CR1: variants seen among roughly 807,000 people sequenced by gnomAD.
The protein encoded by CR1 is complement receptor type 1.
Under a neutral mutation model 187.3 loss-of-function variants are expected in CR1, and 116 were observed. The observed-to-expected ratio is 0.62, with a 90% CI of 0.53 to 0.72. The LOEUF is 0.72. CR1 is among the 30% of genes least tolerant of loss of function. The pLI is 0.00. For synonymous variants in CR1, 576 were observed against 747.1 expected, an observed-to-expected ratio of 0.77 and a Z score of 3.73; for missense variants, 1,731 against 2,110.7, an observed-to-expected ratio of 0.82 and a Z score of 3.52.
At chr1:207,621,042 G>A (rs1003886587) in intron 43 of CR1, among the ~76,000 whole-genome samples, 3 of 152,176 alleles carry the variant, frequency 2.0e-5, no homozygotes, top group Non-Finnish European at 4.4e-5. Flanking sequence ...GGGAGGCCGA[G>A]GCGGATGGAT....
intron 5 of CR1, among the ~76,000 whole-genome samples, chr1:207,524,408 C>G (rs927217390): frequency 6.6e-6 from 1 of 152,022 alleles, no homozygotes; most frequent in African/African-American, 2.4e-5. Context: ...GCTTGAGATA[C>G]TGTCTTGATC....
intron 4 of CR1, among the ~76,000 whole-genome samples, chr1:207,520,419 A>G (rs1337532885): frequency 6.6e-6 from 1 of 152,192 alleles, no homozygotes; most frequent in African/African-American, 2.4e-5. Context: ...AAACTCACCA[A>G]TTAGAACTCC....
At chr1:207,575,202 T>TACACACACACACAC (rs56173301) in intron 27 of CR1, among the ~76,000 whole-genome samples, 5 of 149,446 alleles carry the variant, frequency 3.3e-5, no homozygotes, top group South Asian at 4.3e-4. Flanking sequence ...CATAGTATTA[T>TACACACACACACAC]ACACACACAC....
intron 35 of CR1, among the ~76,000 whole-genome samples, chr1:207,589,700 A>C (rs1445280067): frequency 6.6e-6 from 1 of 152,230 alleles, no homozygotes; most frequent in East Asian, 1.9e-4. Flanking sequence ...ACCCAATGCA[A>C]GGAAGCGAAG....
rs185517934 is a variant in CR1 at position 207,578,185 on chromosome 1, T to C, written c.4918T>C (p.Leu1640=). The C allele has an allele frequency of 1.9e-4, 309 of 1,611,184 alleles. 5 individuals carry two copies. The South Asian group carries it at 2.5e-3, about 13-fold the overall frequency. ...GGCCCTGAACAAATGGGAGCCAGAG[T>C]TACCAAGCTGCTCCAGGGGTGAGTC... ...CQALNKWEPE[L]PSCSRVCQPP... The change falls in exon 29 of 47, where the codon TTA becomes CTA. Residue 1640 remains leucine (L), a synonymous_variant. Transcript: ENST00000367049.
At chr1:207,611,568 A>G (rs1029759068) in intron 37 of CR1, 109 bp from the exon 38 acceptor site, 36 of 1,475,804 alleles carry the variant, frequency 2.4e-5, no homozygotes, top group Admixed American at 2.2e-5. Flanking sequence ...CTTCTCTTTT[A>G]ATAGCTGCAC....
chr1:207,614,564 C>A, intron 40 of CR1, 75 bp downstream of exon 40: 2 of 1,153,798 alleles, frequency 1.7e-6, no homozygotes, highest in Non-Finnish European at 2.6e-6. Context: ...CGCATGGCAT[C>A]ACCTGTTGTC....
chr1:207,498,877 CAAA>C (rs56044498), intron 1 of CR1, among the ~76,000 whole-genome samples: 3 of 50,102 alleles, frequency 6.0e-5, no homozygotes, highest in Non-Finnish European at 1.1e-4. Context: ...AACTCCAAAT[CAAA>C]AAAAAAAAAA....
intron 43 of CR1, among the ~76,000 whole-genome samples, chr1:207,621,345 G>A (rs1236352166): frequency 6.6e-6 from 1 of 152,180 alleles, no homozygotes; most frequent in East Asian, 1.9e-4. Context: ...AGGATGTGAT[G>A]AAACTGATAT....
chr1:207,509,926 A>G (rs1385810677), intron 3 of CR1, among the ~76,000 whole-genome samples: 1 of 152,172 alleles, frequency 6.6e-6, no homozygotes, highest in Non-Finnish European at 1.5e-5. Flanking sequence ...ATTAAAAAAC[A>G]AAATAAGGCC....
chr1:207,509,268 C>T lies in CR1; in HGVS notation c.402-2301C>T, dbSNP rs181681196. ...ACATCCTGTATGTGGTTTCTGGAAA[C>T]GAAATGATCATGGCTTTTCCTGAAC... On this transcript the variant is annotated intron_variant, in intron 3 of 46. Coordinates refer to ENST00000367049, the MANE Select transcript of CR1 (RefSeq NM_000651.6). Among the ~76,000 whole-genome samples the T allele has an allele frequency of 6.3e-3, 965 of 152,238 alleles. 14 individuals carry two copies. The highest frequency in any genetic ancestry group is 0.023 in the African/African-American group (936 of 41,548).
rs138151910 is a variant in CR1, at chr1:207,636,827, C to T, written c.7458-2570C>T. Among the ~76,000 whole-genome samples, 3 of 152,340 alleles carry T rather than the reference C, an allele frequency of 2.0e-5. No individual in the cohort carries two copies. The East Asian group carries it at 5.8e-4, about 29-fold the overall frequency. ...TGGTCCATGGACATAGAAATCCACACGGCTTCTCTTGCCCTCACCAGCAGA... is the reference window on the plus strand; with the variant it reads ...TGGTCCATGGACATAGAAATCCACATGGCTTCTCTTGCCCTCACCAGCAGA... On this transcript the variant is annotated intron_variant, in intron 46 of 46. Transcript: ENST00000367049.
intron 31 of CR1, 48 bp from the exon 32 acceptor site, chr1:207,581,870 A>G (rs754849701): frequency 7.7e-7 from 1 of 1,291,394 alleles, no homozygotes; most frequent in East Asian, 2.3e-5. Flanking sequence ...TCACGAAGGG[A>G]AGAGAGAAAT....
chr1:207,564,719 T>C (rs933574911), intron 23 of CR1, among the ~76,000 whole-genome samples: 2 of 149,936 alleles, frequency 1.3e-5, no homozygotes, highest in African/African-American at 5.1e-5. Context: ...CAGAATCACT[T>C]GAACCTGGGA....
At position 207,523,684 on chromosome 1, in the gene CR1, T is replaced by C. The variant is rs934619863; in HGVS notation, c.561T>C (p.Tyr187=). Reference sequence around the variant, plus strand: ...GCACCAACAGAGAGAATTTTCACTATGGATCAGTGGTGACCTACCGCTGCA... The same window carrying C: ...GCACCAACAGAGAGAATTTTCACTACGGATCAGTGGTGACCTACCGCTGCA... ...FISTNRENFH[Y]GSVVTYRCNP... Residue 187 remains tyrosine, a synonymous_variant, in exon 5 of 47, where the codon TAT becomes TAC. Transcript: ENST00000367049. The C allele has an allele frequency of 1.2e-5, 20 of 1,613,670 alleles. No homozygotes were observed. Among genetic ancestry groups the C allele is most frequent in the African/African-American group, 6.7e-5 (5 of 74,926 alleles).
intron 27 of CR1, among the ~76,000 whole-genome samples, chr1:207,573,887 A>C (rs1488711212): frequency 6.6e-6 from 1 of 152,152 alleles, no homozygotes; most frequent in Non-Finnish European, 1.5e-5. Flanking sequence ...ATCCCAACAC[A>C]CTGAGAGGCT....
In CR1 at chr1:207,609,622, G is replaced by A. The variant is rs769853928; in HGVS notation, c.6229G>A (p.Gly2077Arg). The A allele has an allele frequency of 3.1e-6, 5 of 1,611,202 alleles. No homozygotes were observed. Among genetic ancestry groups the A allele is most frequent in the South Asian group, 2.2e-5 (2 of 90,422 alleles). The part of the protein sequence containing the change: ...FRCQPGFVMV[G>R]SHTVQCQTNG... Reference sequence around the variant, plus strand: ...ATGTCAGCCCGGGTTTGTCATGGTAGGGTCCCACACTGTGCAGTGCCAGAC... The same window carrying A: ...ATGTCAGCCCGGGTTTGTCATGGTAAGGTCCCACACTGTGCAGTGCCAGAC... Residue 2077 changes from glycine (G) to arginine (R), a missense_variant, in exon 37 of 47, where the codon GGG becomes AGG. Around this residue, in one of 5 missense-constraint regions of CR1, gnomAD observed 1,312 missense variants for 1,379.6 expected, o/e 0.95. Coordinates refer to ENST00000367049, the MANE Select transcript of CR1 (RefSeq NM_000651.6).
chr1:207,544,704 C>A (rs994689468), intron 13 of CR1, among the ~76,000 whole-genome samples: 2 of 147,372 alleles, frequency 1.4e-5, no homozygotes, highest in Non-Finnish European at 3.0e-5. Flanking sequence ...CACCTTCTCA[C>A]TGAAGTGAAA....
intron 46 of CR1, among the ~76,000 whole-genome samples, chr1:207,634,057 T>C (rs965239366): frequency 1.3e-5 from 2 of 152,190 alleles, no homozygotes; most frequent in Admixed American, 6.5e-5. Context: ...TTTACATTTC[T>C]TTTGTGGTGG....
Sources: gnomAD v4.1 joint callset for allele counts (sites outside exome capture counted in the v4.1 genomes callset) on GRCh38, gnomAD v4.1.1 for gene constraint, gnomAD v4.1.1 regional missense constraint, MANE v1.5 for transcripts, NCBI Gene and HGNC (gene_info 2026-07-23, HGNC 2026-07-21) for gene names.